EHBP1: variants seen among roughly 807,000 people sequenced by gnomAD.
EHBP1 encodes the protein EH domain binding protein 1.
In EHBP1, 55 loss-of-function variants were observed where a neutral mutation model predicts 144.0. That is an observed-to-expected ratio of 0.38 (90% confidence interval 0.31 to 0.48). EHBP1 has a LOEUF of 0.48. Among genes scored for constraint, EHBP1 ranks in the 20% least tolerant of loss-of-function variants. The pLI, the probability that EHBP1 is intolerant of heterozygous loss-of-function variation, is 0.98. For synonymous variants in EHBP1, 469 were observed against 472.7 expected, an observed-to-expected ratio of 0.99 and a Z score of 0.10; for missense variants, 1,200 against 1,364.2, an observed-to-expected ratio of 0.88 and a Z score of 1.90.
intron 16 of EHBP1, 58 bp from the exon 17 acceptor site, chr2:62,993,472 G>A: frequency 1.5e-6 from 2 of 1,368,416 alleles, no homozygotes; most frequent in East Asian, 2.6e-5. Flanking sequence ...CCTTACTAAT[G>A]TGTAATTTTA....
chr2:63,026,143 A>G (rs1336211300), intron 19 of EHBP1, among the ~76,000 whole-genome samples: 2 of 152,194 alleles, frequency 1.3e-5, no homozygotes, highest in African/African-American at 4.8e-5. Flanking sequence ...CAACATATTT[A>G]CTTCTGTGGA....
intron 10 of EHBP1, among the ~76,000 whole-genome samples, chr2:62,893,989 G>A (rs1171435783): frequency 2.0e-5 from 3 of 151,412 alleles, no homozygotes; most frequent in South Asian, 2.1e-4. Context: ...AAGTTGCAGT[G>A]AGCCAAAATT....
At chr2:63,039,514 G>A (rs1428874214) in intron 21 of EHBP1, among the ~76,000 whole-genome samples, 1 of 152,000 alleles carries the variant, frequency 6.6e-6, no homozygotes, top group Non-Finnish European at 1.5e-5. Flanking sequence ...CTGCTTAAAA[G>A]CTAATCCTTT....
chr2:62,855,162 G>A (rs569362149), intron 7 of EHBP1, among the ~76,000 whole-genome samples: 1 of 152,326 alleles, frequency 6.6e-6, no homozygotes, highest in South Asian at 2.1e-4. Flanking sequence ...AGCCTCAGAA[G>A]TGCCTGCTTC....
chr2:62,760,503 G>A (rs1302206312), intron 3 of EHBP1, among the ~76,000 whole-genome samples: 2 of 152,120 alleles, frequency 1.3e-5, no homozygotes, highest in African/African-American at 4.8e-5. Context: ...TTGTATTTTT[G>A]TTTGTTCAGC....
At chr2:63,009,154 G>C (rs1012366546) in intron 19 of EHBP1, among the ~76,000 whole-genome samples, 1 of 151,570 alleles carries the variant, frequency 6.6e-6, no homozygotes, top group African/African-American at 2.4e-5. Flanking sequence ...TTTTATAGGA[G>C]AAATTGCATG....
rs185373898 is a variant in EHBP1, at chr2:62,788,876, C to T, written c.312+17484C>T. On this transcript the variant is annotated intron_variant, in intron 5 of 22. Transcript: ENST00000431489. ...TGCTGTAGCACAAATCTATGAAACG[C>T]CACTCATCTGTGCATGAATAATTCT... 3.3e-5 allele frequency among the ~76,000 whole-genome samples: 5 copies of T among 152,284 alleles called. No individual in the cohort carries two copies. In the East Asian group the frequency reaches 9.7e-4, roughly 29 times the overall value.
At chr2:62,853,518 A>G (rs987449992) in intron 7 of EHBP1, among the ~76,000 whole-genome samples, 2 of 152,218 alleles carry the variant, frequency 1.3e-5, no homozygotes, top group Non-Finnish European at 2.9e-5. Flanking sequence ...AGAGTCAACC[A>G]TGAAGATCAG....
At chr2:62,917,920 G>A (rs1462897674) in intron 10 of EHBP1, among the ~76,000 whole-genome samples, 1 of 146,088 alleles carries the variant, frequency 6.8e-6, no homozygotes, top group African/African-American at 2.5e-5. Context: ...TTTTTTAGAT[G>A]TTATCTCACT....
At position 62,707,261 on chromosome 2, in the gene EHBP1, T is replaced by TACACA; in HGVS notation, c.72_73insACAAC (p.Gln25ThrfsTer20). 1.2e-6 allele frequency: 2 copies of TACACA among 1,614,166 alleles called. No homozygotes were observed. Among genetic ancestry groups the TACACA allele is most frequent in the Non-Finnish European group, 1.7e-6 (2 of 1,179,968 alleles). On this transcript the variant is annotated frameshift_variant, in exon 2 of 23. Coordinates refer to ENST00000431489, the MANE Select transcript of EHBP1 (RefSeq NM_001142616.3). LOFTEE classifies it high-confidence loss of function. Reference sequence around the variant, plus strand: ...ATCCAAGTTCCAGTTTGTGGCCTCCTACCAGGAGCTCATGGTTGAGTGTAC... The same window carrying TACACA: ...ATCCAAGTTCCAGTTTGTGGCCTCCTACACAACCAGGAGCTCATGGTTGAGTGTAC...
chr2:62,826,094 C>G lies in EHBP1; in HGVS notation c.320C>G (p.Pro107Arg). 4 of 1,477,564 alleles carry G rather than the reference C, an allele frequency of 2.7e-6. No individual in the cohort carries two copies. The highest frequency in any genetic ancestry group is 3.6e-6 in the Non-Finnish European group (4 of 1,112,630). 91.5% of individuals were successfully genotyped at this position (1,477,564 alleles called of 1,614,324 possible). A position where few individuals can be genotyped will look rare whatever the true frequency, so the allele number is the denominator to read the frequency against. ...EWTFVIENES[P>R]SGRRKALATS... is the part of the protein sequence containing the mutation. ...TTTTCTTTAATCTTCCAGGAATCCC[C>G]TTCTGGTCGAAGGAAAGCTCTTGCT... is the stretch of plus-strand genomic sequence containing the variant. The change falls in exon 6 of 23, where the codon CCT becomes CGT. Residue 107 changes from proline to arginine, a missense_variant. By Grantham distance (103) the Pro-to-Arg change is moderately radical. This residue lies in a region of EHBP1 where 137 missense variants were observed against 190.1 expected (regional missense o/e 0.72). Coordinates refer to ENST00000431489, the MANE Select transcript of EHBP1 (RefSeq NM_001142616.3).
intron 1 of EHBP1, among the ~76,000 whole-genome samples, chr2:62,687,649 T>C (rs1164894696): frequency 6.6e-6 from 1 of 152,228 alleles, no homozygotes; most frequent in East Asian, 1.9e-4. Flanking sequence ...CAATTTTTTT[T>C]GTGGATTGAT....
At chr2:62,752,905 G>T (rs2039890113) in intron 3 of EHBP1, among the ~76,000 whole-genome samples, 5 of 152,170 alleles carry the variant, frequency 3.3e-5, no homozygotes, top group Admixed American at 3.3e-4. Context: ...CTCTGCACGT[G>T]AGATGGGTTT....
chr2:62,823,632 C>G (rs2152577818), intron 5 of EHBP1, among the ~76,000 whole-genome samples: 1 of 152,104 alleles, frequency 6.6e-6, no homozygotes, highest in Admixed American at 6.5e-5. Flanking sequence ...TTATAAAGAA[C>G]AAAAATTCAT....
chr2:62,741,870 G>C (rs1441469266), intron 2 of EHBP1, among the ~76,000 whole-genome samples: 3 of 152,096 alleles, frequency 2.0e-5, no homozygotes, highest in Non-Finnish European at 4.4e-5. Flanking sequence ...TGTTGTATTA[G>C]GTATAGTAAT....
At chr2:62,831,228 C>G (rs539544135) in intron 7 of EHBP1, 70 bp downstream of exon 7, 1,057 of 1,456,070 alleles carry the variant, frequency 7.3e-4, no homozygotes, top group Non-Finnish European at 9.1e-4. Context: ...TTCTCATTTC[C>G]CAGGAAAAAA....
intron 19 of EHBP1, among the ~76,000 whole-genome samples, chr2:63,027,796 G>A (rs1165059653): frequency 1.3e-5 from 2 of 152,180 alleles, no homozygotes. Context: ...GGTTACCAGG[G>A]GCTAAGATGG....
At chr2:62,849,721 A>G (rs776462396) in intron 7 of EHBP1, among the ~76,000 whole-genome samples, 5 of 152,192 alleles carry the variant, frequency 3.3e-5, no homozygotes, top group Non-Finnish European at 5.9e-5. Flanking sequence ...TTCATTTACA[A>G]CGTACATTAA....
At chr2:62,833,089 G>C (rs1459615489) in intron 7 of EHBP1, among the ~76,000 whole-genome samples, 1 of 152,138 alleles carries the variant, frequency 6.6e-6, no homozygotes, top group African/African-American at 2.4e-5. Flanking sequence ...TACAGAGAAA[G>C]CTTTAATGGT....
Sources: allele counts gnomAD v4.1 joint callset (sites outside exome capture counted in the v4.1 genomes callset), GRCh38; gene constraint gnomAD v4.1.1; regional missense constraint gnomAD v4.1.1; transcripts MANE v1.5; gene names NCBI Gene and HGNC (gene_info 2026-07-23, HGNC 2026-07-21).